The following DDX60L variants were observed in gnomAD, a reference collection of about 807,000 sequenced individuals.
DDX60L encodes the protein probable ATP-dependent RNA helicase DDX60-like.
In DDX60L, 191 loss-of-function variants were observed where a neutral mutation model predicts 211.6. The observed-to-expected ratio is 0.90, with a 90% CI of 0.80 to 1.02. The LOEUF is 1.02. Among genes scored for constraint, DDX60L ranks in the 50% least tolerant of loss-of-function variants. DDX60L has a pLI of 0.00. For missense variants in DDX60L, 2,007 were observed against 1,984.1 expected, an observed-to-expected ratio of 1.01 and a Z score of -0.22; for synonymous variants, 706 against 694.1, an observed-to-expected ratio of 1.02 and a Z score of -0.27.
intron 14 of DDX60L, among the ~76,000 whole-genome samples, chr4:168,426,285 C>T (rs1202666243): frequency 1.3e-5 from 2 of 152,180 alleles, no homozygotes; most frequent in Admixed American, 6.5e-5. Context: ...AGACATGAGA[C>T]TCCTGGGTCA....
At chr4:168,432,365 G>T in intron 12 of DDX60L, 90 bp downstream of exon 12, 1 of 420,058 alleles carries the variant, frequency 2.4e-6, no homozygotes, top group Non-Finnish European at 4.0e-6. Flanking sequence ...AATAGAACGT[G>T]TTTACAATGT....
At chr4:168,416,311 C>T (rs17054119) in intron 20 of DDX60L, among the ~76,000 whole-genome samples, 27,900 of 152,102 alleles carry the variant, frequency 0.18, 2,942 homozygotes, top group African/African-American at 0.28. Flanking sequence ...ATGACATTTA[C>T]TTGAAAATTT....
intron 8 of DDX60L, among the ~76,000 whole-genome samples, chr4:168,449,810 A>AAAT (rs1412431594): frequency 2.2e-5 from 2 of 92,834 alleles, no homozygotes; most frequent in African/African-American, 7.0e-5. Context: ...AAAAATAAAA[A>AAAT]AAAAAAAAAA....
intron 6 of DDX60L, 111 bp from the exon 7 acceptor site, chr4:168,456,263 A>C: frequency 4.0e-6 from 2 of 505,050 alleles, no homozygotes; most frequent in Non-Finnish European, 6.5e-6. Context: ...AGATTTGACT[A>C]AACGGAACTT....
At chr4:168,375,566 T>A (rs376792277) in intron 33 of DDX60L, 42 bp from the exon 34 acceptor site, 4 of 1,521,598 alleles carry the variant, frequency 2.6e-6, no homozygotes, top group Non-Finnish European at 3.5e-6. Context: ...TTTACTTTTA[T>A]TTAAAAAATT....
chr4:168,420,397 A>G lies in DDX60L; in HGVS notation c.2395-17T>C, dbSNP rs1750306209. On this transcript the variant is annotated splice_polypyrimidine_tract_variant and intron_variant, in intron 17 of 37. Transcript: ENST00000682922. The stretch of plus-strand genomic sequence containing the variant: ...AACAAGGGACTGATTGACAAGAAAA[A>G]AAACCATTAGTCACTTAGTAGAGAA... 6.2e-7 allele frequency: 1 copy of G among 1,600,306 alleles called. No individual in the cohort carries two copies. Among genetic ancestry groups the G allele is most frequent in the Admixed American group, 1.8e-5 (1 of 55,954 alleles).
rs1159613819 is a variant in DDX60L at position 168,420,454 on chromosome 4, C to T, written c.2395-74G>A. On this transcript the variant is annotated intron_variant, in intron 17 of 37. Coordinates refer to ENST00000682922, the MANE Select transcript of DDX60L (RefSeq NM_001012967.3). ...TATAAAACCTTGAGGACAACCGAAT[C>T]CATACACATACACACACACACACAC... 43 of 744,098 alleles carry T rather than the reference C, an allele frequency of 5.8e-5. 1 individual carries two copies. The South Asian group carries it at 7.2e-4, about 12-fold the overall frequency. 46.1% of individuals were successfully genotyped at this position (744,098 alleles called of 1,614,324 possible). A position where few individuals can be genotyped will look rare whatever the true frequency, so the allele number is the denominator to read the frequency against.
At chr4:168,403,898 T>C in intron 25 of DDX60L, 84 bp downstream of exon 25, 1 of 741,386 alleles carries the variant, frequency 1.3e-6, no homozygotes, top group Non-Finnish European at 2.0e-6. Flanking sequence ...CTAACCACTA[T>C]ATATAAATGA....
At chr4:168,459,774 G>GGGAAGGAAGGAAGGAC (rs1757060519) in intron 5 of DDX60L, among the ~76,000 whole-genome samples, 1 of 56,918 alleles carries the variant, frequency 1.8e-5, no homozygotes, top group Non-Finnish European at 3.4e-5. Context: ...GAAGGAAGGA[G>GGGAAGGAAGGAAGGAC]GGAAGGAAGG....
chr4:168,400,913 GTC>G lies in DDX60L; in HGVS notation c.3402_3403del (p.Glu1134AspfsTer8). ...ACATTCAGTGTGGGGATGGCTTTTT[GTC>G]TCTGTCTTCTCCAGAAAAGTGCACA... On this transcript the variant is annotated frameshift_variant, in exon 26 of 38. Coordinates refer to ENST00000682922, the MANE Select transcript of DDX60L (RefSeq NM_001012967.3). LOFTEE classifies it high-confidence loss of function. 1 of 1,613,520 alleles carries G rather than the reference GTC, an allele frequency of 6.2e-7. No individual in the cohort carries two copies.
Position 168,427,328 on chromosome 4 carries a change from C to T in DDX60L, c.1678-6G>A, listed in dbSNP as rs1751622207. Reference sequence around the variant, plus strand: ...ATTTGGTGGGGTTTGGTATTCTGCTCAATAATAAAAGGAACATATGAAACA... The same window carrying T: ...ATTTGGTGGGGTTTGGTATTCTGCTTAATAATAAAAGGAACATATGAAACA... On this transcript the variant is annotated splice_region_variant and splice_polypyrimidine_tract_variant and intron_variant, in intron 13 of 37. Coordinates refer to ENST00000682922, the MANE Select transcript of DDX60L (RefSeq NM_001012967.3). The T allele has an allele frequency of 6.2e-7, 1 of 1,606,942 alleles. No individual in the cohort carries two copies. Among genetic ancestry groups the T allele is most frequent in the Non-Finnish European group, 8.5e-7 (1 of 1,177,760 alleles).
intron 29 of DDX60L, chr4:168,390,543 A>G (rs1045697718): frequency 3.7e-6 from 5 of 1,346,510 alleles, no homozygotes; most frequent in Admixed American, 2.7e-5. Context: ...AAATTTGAAT[A>G]AGAAAAGAGG....
chr4:168,388,277 T>C (rs1402171558), intron 29 of DDX60L, among the ~76,000 whole-genome samples: 1 of 152,064 alleles, frequency 6.6e-6, no homozygotes, highest in East Asian at 1.9e-4. Context: ...AGGATTTCAA[T>C]CAGGGGAAAG....
At chr4:168,387,056 A>G (rs1459929244) in intron 29 of DDX60L, among the ~76,000 whole-genome samples, 1 of 152,198 alleles carries the variant, frequency 6.6e-6, no homozygotes, top group Non-Finnish European at 1.5e-5. Context: ...CACAGAATAG[A>G]ATACGGGCAA....
At chr4:168,479,686 C>T (rs970293736) in intron 1 of DDX60L, among the ~76,000 whole-genome samples, 9 of 151,978 alleles carry the variant, frequency 5.9e-5, no homozygotes, top group African/African-American at 1.9e-4. Context: ...AGCTTAAATC[C>T]GGCCGGGCGC....
rs1015447208 is a variant in DDX60L at position 168,418,435 on chromosome 4, G to C, written c.2610+867C>G. On this transcript the variant is annotated intron_variant, in intron 19 of 37. Coordinates refer to ENST00000682922, the MANE Select transcript of DDX60L (RefSeq NM_001012967.3). ...GATGAGACCACAATCCAAGGTTCTA[G>C]ATCATAAAGATCAAGGTTTTTGTTT... 2.6e-5 allele frequency among the ~76,000 whole-genome samples: 4 copies of C among 152,306 alleles called. No individual in the cohort carries two copies. The Middle Eastern group carries it at 0.01, about 389-fold the overall frequency.
chr4:168,412,130 C>G (rs1380308123), intron 22 of DDX60L, among the ~76,000 whole-genome samples: 2 of 151,872 alleles, frequency 1.3e-5, no homozygotes, highest in African/African-American at 4.8e-5. Context: ...CTGAGGCATG[C>G]TGGCTTCAGA....
chr4:168,362,644 C>CA (rs1052332716), intron 36 of DDX60L, among the ~76,000 whole-genome samples: 4 of 151,944 alleles, frequency 2.6e-5, no homozygotes, highest in South Asian at 2.1e-4. Context: ...ACAAAAGAAC[C>CA]AAAAAAATCG....
Position 168,461,875 on chromosome 4 carries a change from T to C in DDX60L, c.430A>G (p.Ile144Val), listed in dbSNP as rs779939200. 1.2e-6 allele frequency: 2 copies of C among 1,611,514 alleles called. No individual in the cohort carries two copies. The highest frequency in any genetic ancestry group is 3.3e-5 in the Admixed American group (2 of 59,732). ...TCACTCAGGCCTTCCTCTGAAACTA[T>C]CAGAAAATACGGGTAATGCTGTTCC... is the stretch of plus-strand genomic sequence containing the variant. ...FLEQHYPYFL[I>V]VSEEGLSDLQ... The change falls in exon 5 of 38, where the codon ATA becomes GTA. Residue 144 changes from isoleucine (I) to valine (V), a missense_variant. Ile to Val is a conservative substitution (Grantham distance 29, BLOSUM62 3). Coordinates refer to ENST00000682922, the MANE Select transcript of DDX60L (RefSeq NM_001012967.3).
Sources: gnomAD v4.1 joint callset for allele counts (sites outside exome capture counted in the v4.1 genomes callset) on GRCh38, gnomAD v4.1.1 for gene constraint, MANE v1.5 for transcripts, NCBI Gene and HGNC (gene_info 2026-07-23, HGNC 2026-07-21) for gene names.